The following USP50 variants were observed in gnomAD, a reference collection of about 807,000 sequenced individuals.
The protein encoded by USP50 is ubiquitin specific peptidase 50, also known as ubiquitin carboxyl-terminal hydrolase 50.
In USP50, 37 loss-of-function variants were observed where a neutral mutation model predicts 39.2. That is an observed-to-expected ratio of 0.94 (90% CI 0.73 to 1.24). The LOEUF (loss-of-function observed/expected upper bound fraction) is 1.24. Among genes scored for constraint, USP50 ranks in the 50% most tolerant of loss-of-function variants. The pLI, the probability that USP50 is intolerant of heterozygous loss-of-function variation, is 0.00. For synonymous variants in USP50, 139 were observed against 144.5 expected (o/e 0.96, Z 0.27); for missense variants, 374 against 398.2 (o/e 0.94, Z 0.52).
At chr15:50,499,043 C>G, downstream of USP50, 1 of 1,613,298 alleles carries the variant, frequency 6.2e-7, no homozygotes, top group Non-Finnish European at 8.5e-7. Flanking sequence ...CTTATATCCT[C>G]TTTTATACTT....
intron 5 of USP50, among the ~76,000 whole-genome samples, chr15:50,534,911 T>C (rs3131599): frequency 0.44 from 66,505 of 151,762 alleles, 14,792 homozygotes; most frequent in Admixed American, 0.54. Flanking sequence ...GAGGCCGAGG[T>C]GGGCGGGCCA....
chr15:50,498,362 A>G, downstream of USP50: 1 of 440,416 alleles, frequency 2.3e-6, no homozygotes, highest in Non-Finnish European at 3.9e-6. Flanking sequence ...TACCTCTACC[A>G]TTCTGGCTGT....
intron 5 of USP50, among the ~76,000 whole-genome samples, chr15:50,533,270 A>G (rs563895270): frequency 6.6e-6 from 1 of 152,188 alleles, no homozygotes; most frequent in Admixed American, 6.5e-5. Context: ...TGGCAATACC[A>G]AAAGAAAAAG....
rs1187387809 is a variant in USP50, at chr15:50,543,775, G to A, written c.267C>T (p.Ala89=). Residue 89 remains alanine, a synonymous_variant, in exon 3 of 7, where the codon GCC becomes GCT. Coordinates refer to ENST00000532404, the MANE Select transcript of USP50 (RefSeq NM_203494.5). ...CTGTCATCAGATAGGCAAAAGCAGT[G>A]GCAACTTCACTGCAATCGCTTGGAA... The part of the protein sequence containing the change: ...TALQNDCSEV[A]TAFAYLMTDM... 1.2e-6 allele frequency: 2 copies of A among 1,608,616 alleles called. No individual in the cohort carries two copies. Among genetic ancestry groups the A allele is most frequent in the Non-Finnish European group, 1.7e-6 (2 of 1,177,244 alleles).
At chr15:50,524,700 G>C (rs901265706) in intron 6 of USP50, among the ~76,000 whole-genome samples, 1 of 152,144 alleles carries the variant, frequency 6.6e-6, no homozygotes, top group Non-Finnish European at 1.5e-5. Flanking sequence ...ATGGAAAATG[G>C]TATAAAGATT....
chr15:50,505,785 CTGG>C (rs980430842), intron 6 of USP50: 3 of 152,122 alleles, frequency 2.0e-5, no homozygotes, highest in African/African-American at 7.3e-5. Flanking sequence ...ATAGTGAGAC[CTGG>C]TCTCTAAAAA....
At chr15:50,505,415 AT>A (rs1236007927) in intron 6 of USP50, 1 of 152,190 alleles carries the variant, frequency 6.6e-6, no homozygotes, top group African/African-American at 2.4e-5. Context: ...CTGGAATTTG[AT>A]TTCTAGTTAT....
At chr15:50,542,528 G>A (rs1371175910) in intron 3 of USP50, among the ~76,000 whole-genome samples, 5 of 123,052 alleles carry the variant, frequency 4.1e-5, no homozygotes, top group East Asian at 2.4e-4. Context: ...TTGCTCTGTC[G>A]TCCAGGCTGG....
chr15:50,496,892 C>T (rs923984319), downstream of USP50: 2 of 593,654 alleles, frequency 3.4e-6, no homozygotes, highest in African/African-American at 1.9e-5. Flanking sequence ...GTAGGTAGCA[C>T]TCACCACACT....
chr15:50,531,615 A>C (rs955807052), intron 5 of USP50, among the ~76,000 whole-genome samples: 3 of 152,188 alleles, frequency 2.0e-5, no homozygotes, highest in Non-Finnish European at 4.4e-5. Flanking sequence ...TAATGGTTAC[A>C]TGACTGCATG....
intron 5 of USP50, 98 bp from the exon 6 acceptor site, chr15:50,530,027 C>CCGCCGGGAGGATGGAGT: frequency 1.3e-6 from 2 of 1,521,194 alleles, no homozygotes; most frequent in Non-Finnish European, 1.8e-6. Context: ...AATTTCTTGA[C>CCGCCGGGAGGATGGAGT]TGGGCACAGT....
chr15:50,513,518 TAAAAAAAA>T (rs35523535), intron 6 of USP50: 1 of 85,980 alleles, frequency 1.2e-5, no homozygotes, highest in African/African-American at 4.5e-5. Flanking sequence ...CGAAACTGTC[TAAAAAAAA>T]AAAAAAAAAA....
chr15:50,505,349 T>C (rs1401338633), intron 6 of USP50: 1 of 152,156 alleles, frequency 6.6e-6, no homozygotes. Flanking sequence ...ATAGCAGCCA[T>C]AGAAATCAGA....
intron 6 of USP50, among the ~76,000 whole-genome samples, chr15:50,527,204 TC>T (rs1476817131): frequency 6.6e-6 from 1 of 152,120 alleles, no homozygotes; most frequent in African/African-American, 2.4e-5. Flanking sequence ...GGCCTGAGAT[TC>T]TTTTTTTTCT....
chr15:50,497,579 A>T (rs543027729), downstream of USP50: 9 of 163,218 alleles, frequency 5.5e-5, no homozygotes, highest in African/African-American at 2.1e-4. Flanking sequence ...AGACTTAGTT[A>T]TGTGTTAAAT....
downstream of USP50, chr15:50,499,216 AC>A (rs2141333244): frequency 1.2e-6 from 1 of 846,534 alleles, no homozygotes; most frequent in East Asian, 2.7e-5. Flanking sequence ...GAGCTGTGTT[AC>A]TAGCACTATA....
chr15:50,532,191 C>T (rs1339839585), intron 5 of USP50: 2 of 456,272 alleles, frequency 4.4e-6, no homozygotes, highest in East Asian at 6.9e-5. Flanking sequence ...CAACCACACT[C>T]GCACGGTAAA....
intron 6 of USP50, chr15:50,501,675 G>A (rs1238934785): frequency 6.6e-6 from 1 of 152,028 alleles, no homozygotes; most frequent in Non-Finnish European, 1.5e-5. Context: ...CTTTTTCCAT[G>A]TCTTTCCTAA....
intron 4 of USP50, 52 bp from the exon 5 acceptor site, chr15:50,538,903 C>T: frequency 6.5e-7 from 1 of 1,547,114 alleles, no homozygotes; most frequent in Middle Eastern, 1.7e-4. Flanking sequence ...CTGCAACCTG[C>T]ACTCTCTGTT....
Sources: gnomAD v4.1 joint callset for allele counts (sites outside exome capture counted in the v4.1 genomes callset) on GRCh38, gnomAD v4.1.1 for gene constraint, MANE v1.5 for transcripts, NCBI Gene and HGNC (gene_info 2026-07-23, HGNC 2026-07-21) for gene names.